The following SLC9A4 variants were observed in gnomAD, a reference collection of about 807,000 sequenced individuals.
SLC9A4 encodes sodium/hydrogen exchanger 4.
Under a neutral mutation model 67.4 loss-of-function variants are expected in SLC9A4, and 63 were observed. That is an observed-to-expected ratio of 0.93 (90% confidence interval 0.76 to 1.15). The LOEUF is 1.15. SLC9A4 is among the 50% of genes most tolerant of loss of function. The pLI is 0.00. For synonymous variants in SLC9A4, 393 were observed against 367.2 expected, an observed-to-expected ratio of 1.07 and a Z score of -0.80; for missense variants, 1,089 against 987.7, an observed-to-expected ratio of 1.10 and a Z score of -1.38.
intron 9 of SLC9A4, among the ~76,000 whole-genome samples, chr2:102,522,314 G>C (rs1318705280): frequency 6.6e-6 from 1 of 152,050 alleles, no homozygotes; most frequent in African/African-American, 2.4e-5. Context: ...CGGGCATCAG[G>C]AACACTGCAC....
intron 1 of SLC9A4, among the ~76,000 whole-genome samples, chr2:102,474,569 T>C (rs76255660): frequency 0.11 from 16,669 of 152,220 alleles, 981 homozygotes; most frequent in Non-Finnish European, 0.12. Context: ...TATCTGTCAG[T>C]AAAATATTAG....
chr2:102,488,319 T>C (rs1465044231), intron 2 of SLC9A4, among the ~76,000 whole-genome samples: 1 of 152,112 alleles, frequency 6.6e-6, no homozygotes, highest in Admixed American at 6.5e-5. Context: ...ATAGTTTCCT[T>C]ATAGCTTCCT....
At chr2:102,531,786 T>C (rs1674783410) in intron 11 of SLC9A4, among the ~76,000 whole-genome samples, 1 of 152,224 alleles carries the variant, frequency 6.6e-6, no homozygotes, top group South Asian at 2.1e-4. Flanking sequence ...CTTAGTCCTC[T>C]GAAAGGAGGG....
chr2:102,492,510 C>A (rs1025352236), intron 2 of SLC9A4, among the ~76,000 whole-genome samples: 2 of 152,234 alleles, frequency 1.3e-5, no homozygotes, highest in African/African-American at 4.8e-5. Flanking sequence ...GAAGCAATGA[C>A]CTGAGCAGTA....
intron 9 of SLC9A4, among the ~76,000 whole-genome samples, chr2:102,523,868 T>G (rs1310747032): frequency 6.6e-6 from 1 of 152,256 alleles, no homozygotes; most frequent in Non-Finnish European, 1.5e-5. Context: ...TTTCTCTTCC[T>G]GGAATTTATT....
chr2:102,474,085 T>G, intron 1 of SLC9A4, 70 bp downstream of exon 1: 1 of 1,533,054 alleles, frequency 6.5e-7, no homozygotes, highest in Non-Finnish European at 8.8e-7. Flanking sequence ...AAATGCCTTA[T>G]AGATAACGGG....
intron 9 of SLC9A4, among the ~76,000 whole-genome samples, chr2:102,522,883 A>G (rs899232947): frequency 2.6e-5 from 4 of 152,132 alleles, no homozygotes; most frequent in African/African-American, 9.7e-5. Flanking sequence ...CCAAAAGTGG[A>G]TGATAAAGAG....
intron 2 of SLC9A4, among the ~76,000 whole-genome samples, chr2:102,485,768 A>G (rs1684575536): frequency 6.6e-6 from 1 of 152,220 alleles, no homozygotes; most frequent in Non-Finnish European, 1.5e-5. Flanking sequence ...CTCTGTTTCC[A>G]GTGACTGAAG....
At chr2:102,527,316 T>C (rs912020547) in intron 11 of SLC9A4, among the ~76,000 whole-genome samples, 4 of 152,142 alleles carry the variant, frequency 2.6e-5, no homozygotes, top group African/African-American at 9.7e-5. Flanking sequence ...AAAAGCAAAG[T>C]ATAGTCATTG....
chr2:102,488,837 G>A (rs1684643446), intron 2 of SLC9A4, among the ~76,000 whole-genome samples: 1 of 152,168 alleles, frequency 6.6e-6, no homozygotes, highest in East Asian at 1.9e-4. Context: ...GTGAGCCACT[G>A]CGCCAGGCCT....
chr2:102,478,384 G>A (rs1036679759), intron 1 of SLC9A4, among the ~76,000 whole-genome samples: 7 of 152,232 alleles, frequency 4.6e-5, no homozygotes, highest in African/African-American at 1.7e-4. Context: ...TTAAACACAG[G>A]AGACAAAATA....
intron 2 of SLC9A4, among the ~76,000 whole-genome samples, chr2:102,479,835 A>G (rs938680214): frequency 7.2e-5 from 11 of 152,192 alleles, no homozygotes; most frequent in Non-Finnish European, 1.5e-4. Context: ...TTGTATGGAA[A>G]AAAGTGAATG....
At chr2:102,527,614 G>A (rs549949238) in intron 11 of SLC9A4, among the ~76,000 whole-genome samples, 2 of 152,166 alleles carry the variant, frequency 1.3e-5, no homozygotes, top group South Asian at 4.1e-4. Context: ...AAATTTTGAG[G>A]TCAAATTCAT....
chr2:102,518,456 A>G (rs1249012274), intron 8 of SLC9A4, among the ~76,000 whole-genome samples: 1 of 152,194 alleles, frequency 6.6e-6, no homozygotes, highest in Non-Finnish European at 1.5e-5. Flanking sequence ...TTAAACAGTT[A>G]GGTTTAAATG....
chr2:102,526,192 A>T lies in SLC9A4; in HGVS notation c.1951-67A>T, dbSNP rs566493674. ...CGTGAGCCACAGTGTCTGGCCCTTT[A>T]TTTGCCATGTGAAGCTCTTAATTGA... On this transcript the variant is annotated intron_variant, in intron 10 of 11. Transcript: ENST00000295269. 5 of 1,527,430 alleles carry T rather than the reference A, an allele frequency of 3.3e-6. No homozygotes were observed. In the East Asian group the frequency reaches 9.3e-5, roughly 28 times the overall value. 94.6% of individuals were successfully genotyped at this position (1,527,430 alleles called of 1,614,324 possible). A position where few individuals can be genotyped will look rare whatever the true frequency, so the allele number is the denominator to read the frequency against.
intron 2 of SLC9A4, among the ~76,000 whole-genome samples, chr2:102,495,349 T>C (rs776997562): frequency 6.6e-6 from 1 of 152,112 alleles, no homozygotes; most frequent in Non-Finnish European, 1.5e-5. Context: ...TTGAATATTA[T>C]AGAACATTGC....
intron 2 of SLC9A4, among the ~76,000 whole-genome samples, chr2:102,481,227 C>T (rs535571384): frequency 4.3e-4 from 66 of 152,228 alleles, no homozygotes; most frequent in African/African-American, 1.6e-3. Flanking sequence ...GGAACACAGT[C>T]GTCAAGATTT....
At chr2:102,516,665 C>T (rs1685283835) in intron 8 of SLC9A4, among the ~76,000 whole-genome samples, 1 of 152,050 alleles carries the variant, frequency 6.6e-6, no homozygotes, top group African/African-American at 2.4e-5. Flanking sequence ...TTTTGGAATC[C>T]CATTGCTTTT....
At chr2:102,494,177 G>A (rs1684759898) in intron 2 of SLC9A4, among the ~76,000 whole-genome samples, 1 of 151,842 alleles carries the variant, frequency 6.6e-6, no homozygotes, top group South Asian at 2.1e-4. Flanking sequence ...ACTACAAAGA[G>A]CCTTCTTACT....
Sources: gnomAD v4.1 joint callset for allele counts (sites outside exome capture counted in the v4.1 genomes callset) on GRCh38, gnomAD v4.1.1 for gene constraint, MANE v1.5 for transcripts, NCBI Gene and HGNC (gene_info 2026-07-23, HGNC 2026-07-21) for gene names.